The following STK32C variants were observed in gnomAD, a reference collection of about 807,000 sequenced individuals.
STK32C encodes the protein serine/threonine kinase 32C, also known as serine/threonine-protein kinase 32C.
In STK32C, 31 loss-of-function variants were observed where a neutral mutation model predicts 56.5. The observed-to-expected ratio is 0.55, with a 90% CI of 0.41 to 0.74. The LOEUF (loss-of-function observed/expected upper bound fraction) is 0.74, where lower values mean the gene tolerates loss of function less well. Among genes scored for constraint, STK32C ranks in the 30% least tolerant of loss-of-function variants. The pLI, the probability that STK32C is intolerant of heterozygous loss-of-function variation, is 0.00. For missense variants in STK32C, 544 were observed against 676.9 expected (o/e 0.80, Z 2.18); for synonymous variants, 309 against 289.4 (o/e 1.07, Z -0.69).
In STK32C at chr10:132,207,761, C is replaced by A; in HGVS notation, c.*249G>T. On this transcript the variant is annotated 3_prime_UTR_variant, in exon 12 of 12. Transcript: ENST00000298630. ...CCGTGAGCGGTAAGAGGGCGCCCAG[C>A]AGCGCTTCCTCCATCTAGGCGGGTC... 2.5e-6 allele frequency: 1 copy of A among 397,308 alleles called. No homozygotes were observed. The highest frequency in any genetic ancestry group is 4.3e-6 in the Non-Finnish European group (1 of 233,972). 24.6% of individuals were successfully genotyped at this position (397,308 alleles called of 1,614,324 possible). A position where few individuals can be genotyped will look rare whatever the true frequency, so the allele number is the denominator to read the frequency against.
intron 1 of STK32C, among the ~76,000 whole-genome samples, chr10:132,269,213 G>A (rs2064731346): frequency 6.7e-6 from 1 of 148,908 alleles, no homozygotes; most frequent in African/African-American, 2.5e-5. Context: ...GCATGTGCCT[G>A]TGGGTGCAGC....
intron 1 of STK32C, among the ~76,000 whole-genome samples, chr10:132,269,092 C>T (rs956903274): frequency 2.7e-5 from 4 of 150,444 alleles, no homozygotes; most frequent in Admixed American, 6.6e-5. Flanking sequence ...GCTGTGCCTG[C>T]GTGCGTCACA....
intron 10 of STK32C, among the ~76,000 whole-genome samples, chr10:132,221,149 C>T (rs553568595): frequency 4.4e-4 from 67 of 152,344 alleles, no homozygotes; most frequent in Admixed American, 1.1e-3. Flanking sequence ...TCCCCGCACA[C>T]ACAACCAAAG....
chr10:132,267,638 C>T (rs538750489), intron 1 of STK32C, among the ~76,000 whole-genome samples: 1 of 139,034 alleles, frequency 7.2e-6, no homozygotes, highest in South Asian at 2.3e-4. Flanking sequence ...TGTCTGTGTG[C>T]ATGCATGTCC....
chr10:132,224,283 A>T, intron 8 of STK32C, 124 bp downstream of exon 8: 1 of 719,050 alleles, frequency 1.4e-6, no homozygotes, highest in South Asian at 1.7e-5. Context: ...GTTGCAGTGA[A>T]GGGATCTGTG....
At chr10:132,239,875 C>G (rs12266811) in intron 2 of STK32C, among the ~76,000 whole-genome samples, 62,450 of 152,168 alleles carry the variant, frequency 0.41, 13,452 homozygotes, top group Non-Finnish European at 0.48. Context: ...AGGGTCTGGA[C>G]AGTGAGGACA....
intron 1 of STK32C, among the ~76,000 whole-genome samples, chr10:132,291,250 A>G (rs1435452607): frequency 6.6e-6 from 1 of 152,208 alleles, no homozygotes; most frequent in Non-Finnish European, 1.5e-5. Context: ...ATTTTGGCAC[A>G]GGTTTCCTGC....
intron 1 of STK32C, among the ~76,000 whole-genome samples, chr10:132,302,441 C>T (rs2065935354): frequency 6.6e-6 from 1 of 152,224 alleles, no homozygotes; most frequent in African/African-American, 2.4e-5. Flanking sequence ...ACAGCTGCCC[C>T]AAGGGCCCCC....
chr10:132,308,121 G>A (rs1436181818), upstream of STK32C: 1 of 152,458 alleles, frequency 6.6e-6, no homozygotes, highest in East Asian at 2.0e-4. Context: ...GCCGAGCCGG[G>A]GGCGGGGCAG....
At position 132,307,665 on chromosome 10, in the gene STK32C, G is replaced by A; in HGVS notation, c.169C>T (p.Pro57Ser). 1 of 1,536,466 alleles carries A rather than the reference G, an allele frequency of 6.5e-7. No individual in the cohort carries two copies. Among genetic ancestry groups the A allele is most frequent in the Non-Finnish European group, 8.7e-7 (1 of 1,143,716 alleles). ...TTCCACTTGCTCCACTGAAACAGGGGGCGCGGCTGCGAGCGGACATCGCCC... is the reference window on the plus strand; with the variant it reads ...TTCCACTTGCTCCACTGAAACAGGGAGCGCGGCTGCGAGCGGACATCGCCC... Reference protein sequence around the residue: ...DSGDVRSQPRPLFQWSKWKKR... With the variant: ...DSGDVRSQPRSLFQWSKWKKR... Residue 57 changes from proline (P) to serine (S), a missense_variant, in exon 1 of 12, where the codon CCC becomes TCC. This residue lies in a region of STK32C where 182 missense variants were observed against 217.7 expected (regional missense o/e 0.84). Transcript: ENST00000298630. The surrounding 1 kb of genome is among the most constrained non-coding windows in gnomAD (Gnocchi z 4.4).
At chr10:132,259,599 G>A (rs1211771263) in intron 1 of STK32C, among the ~76,000 whole-genome samples, 1 of 152,214 alleles carries the variant, frequency 6.6e-6, no homozygotes, top group African/African-American at 2.4e-5. Context: ...ACCTGCTCCA[G>A]CCATGAGAAC....
chr10:132,249,434 T>C (rs545347249), intron 1 of STK32C, among the ~76,000 whole-genome samples: 3 of 152,060 alleles, frequency 2.0e-5, no homozygotes, highest in South Asian at 4.1e-4. Context: ...GGCTCCAGGA[T>C]GCCGTGCAAG....
rs752752764 is a variant in STK32C, at chr10:132,331,813, A to C, written c.-77T>G. ...CGCGGTCTCTACTTGCCCGTCGACC[A>C]CCACCCCTTCAAGGCCGCGGGCGCG... On this transcript the variant is annotated 5_prime_UTR_variant, in exon 1 of 2. Coordinates refer to the STK32C transcript ENST00000368619. The C allele has an allele frequency of 6.3e-6, 10 of 1,578,510 alleles. No individual in the cohort carries two copies. The South Asian group carries it at 1.1e-4, about 18-fold the overall frequency.
intron 10 of STK32C, among the ~76,000 whole-genome samples, chr10:132,217,100 CACAG>C (rs2062496530): frequency 6.6e-6 from 1 of 152,210 alleles, no homozygotes; most frequent in Non-Finnish European, 1.5e-5. Flanking sequence ...CTGGAAAAGC[CACAG>C]ACACTCAATG....
rs755534668 is a variant in STK32C, at chr10:132,331,517, T to C, written c.220A>G (p.Arg74Gly). 3.1e-6 allele frequency: 5 copies of C among 1,612,930 alleles called. No individual in the cohort carries two copies. In the Admixed American group the frequency reaches 8.3e-5, roughly 27 times the overall value. The stretch of plus-strand genomic sequence containing the variant: ...AGGACGCTCTGAGTCTGCGTTCCCC[T>C]GGCAGCAAGTCCTGAGGCAAGATTT... The change falls in exon 1 of 2, where the codon AGG becomes GGG. Residue 74 changes from arginine to glycine, a missense_variant. Coordinates refer to the STK32C transcript ENST00000368619.
At chr10:132,331,200 C>CAAAAAAA (rs35734065) in intron 1 of STK32C, among the ~76,000 whole-genome samples, 151 of 56,282 alleles carry the variant, frequency 2.7e-3, no homozygotes, top group Non-Finnish European at 3.7e-3. Flanking sequence ...GACTCCACCT[C>CAAAAAAA]AAAAAAAAAA....
At chr10:132,325,895 G>C (rs577355194) in intron 1 of STK32C, among the ~76,000 whole-genome samples, 1 of 152,012 alleles carries the variant, frequency 6.6e-6, no homozygotes, top group East Asian at 2.0e-4. Context: ...CTAATTTTTT[G>C]TATTTTTAGT....
intron 1 of STK32C, among the ~76,000 whole-genome samples, chr10:132,249,438 G>C (rs996480885): frequency 1.3e-5 from 2 of 152,132 alleles, no homozygotes; most frequent in African/African-American, 2.4e-5. Flanking sequence ...CCAGGATGCC[G>C]TGCAAGCAGC....
intron 1 of STK32C, among the ~76,000 whole-genome samples, chr10:132,293,455 C>A (rs2065633954): frequency 6.6e-6 from 1 of 152,252 alleles, no homozygotes; most frequent in Non-Finnish European, 1.5e-5. Context: ...TGAGCCAAGC[C>A]CTCCCTTGGA....
Sources: gnomAD v4.1 joint callset for allele counts (sites outside exome capture counted in the v4.1 genomes callset) on GRCh38, gnomAD v4.1.1 for gene constraint, gnomAD v4.1.1 regional missense constraint, Gnocchi (gnomAD v3.1) non-coding constraint, MANE v1.5 for transcripts, NCBI Gene and HGNC (gene_info 2026-07-23, HGNC 2026-07-21) for gene names.